Variants in ZNF99 observed in about 807,000 individuals in gnomAD.
ZNF99 encodes zinc finger protein ENSP00000375192.
In ZNF99, 8 loss-of-function variants were observed where a neutral mutation model predicts 12.8. The ratio of observed to expected loss-of-function variants is 0.62; its 90% CI spans 0.37 to 1.13. ZNF99 has a LOEUF of 1.13. Ranked by LOEUF, ZNF99 falls within the 50% of genes most tolerant of loss-of-function variation. The pLI, the probability that ZNF99 is intolerant of heterozygous loss-of-function variation, is 0.02. For synonymous variants in ZNF99, 318 were observed against 319.0 expected, an observed-to-expected ratio of 1.00 and a Z score of 0.03; for missense variants, 1,007 against 1,006.2, an observed-to-expected ratio of 1.00 and a Z score of -0.01.
At position 22,753,951 on chromosome 19, in the gene ZNF99, C is replaced by T; in HGVS notation, c.*3363G>A. The T allele has an allele frequency of 2.2e-6, 1 of 445,696 alleles. No homozygotes were observed. The highest frequency in any genetic ancestry group is 1.6e-5 in the South Asian group (1 of 63,058). 27.6% of individuals were successfully genotyped at this position (445,696 alleles called of 1,614,324 possible). A position where few individuals can be genotyped will look rare whatever the true frequency, so the allele number is the denominator to read the frequency against. ...ATGACTCACATCTAGGGCTTCTTGA[C>T]ACTATGATTTCTTTTATGTTTAGAA... On this transcript the variant is annotated 3_prime_UTR_variant, in exon 4 of 4. Coordinates refer to ENST00000596209, the MANE Select transcript of ZNF99 (RefSeq NM_001080409.3).
rs1221353983 is a variant in ZNF99, at chr19:22,757,560, A to G, written c.2349T>C (p.His783=). Residue 783 remains histidine, a synonymous_variant, in exon 4 of 4, where the codon CAT becomes CAC. Transcript: ENST00000596209. ...FSALRKHKII[H]TGKKPYKCEE... The stretch of plus-strand genomic sequence containing the variant: ...CACATTTATAGGGTTTCTTTCCAGT[A>G]TGAATTATCTTATGTTTTCTAAGGG... The G allele has an allele frequency of 6.2e-7, 1 of 1,611,306 alleles. No individual in the cohort carries two copies. Among genetic ancestry groups the G allele is most frequent in the Non-Finnish European group, 8.5e-7 (1 of 1,179,614 alleles).
At position 22,756,744 on chromosome 19, in the gene ZNF99, A is replaced by G. The variant is rs1973065537; in HGVS notation, c.*570T>C. On this transcript the variant is annotated 3_prime_UTR_variant, in exon 4 of 4. Transcript: ENST00000596209. ...CAGTATGAATTATCTTATGTTTCAT[A>G]AGGGTTGAGGAATTGTTAAAAGCTT... The G allele has an allele frequency of 6.3e-7, 1 of 1,589,248 alleles. No homozygotes were observed. Among genetic ancestry groups the G allele is most frequent in the South Asian group, 1.1e-5 (1 of 90,686 alleles).
At chr19:22,780,778 T>C (rs1266922955) in intron 1 of ZNF99, among the ~76,000 whole-genome samples, 2 of 151,786 alleles carry the variant, frequency 1.3e-5, no homozygotes, top group Non-Finnish European at 1.5e-5. Flanking sequence ...GAAACTCAGA[T>C]AGCAAAGTAA....
intron 1 of ZNF99, chr19:22,773,808 T>A (rs544365849): frequency 2.6e-5 from 4 of 152,332 alleles, no homozygotes; most frequent in African/African-American, 9.6e-5. Flanking sequence ...AAAGCTCACA[T>A]CTTACATAAA....
At chr19:22,769,473 C>G in intron 1 of ZNF99, 149 bp from the exon 2 acceptor site, 1 of 912,828 alleles carries the variant, frequency 1.1e-6, no homozygotes, top group Non-Finnish European at 1.6e-6. Flanking sequence ...ATTTTCAACA[C>G]AGAAATCGTC....
In ZNF99 at chr19:22,759,331, C is replaced by A. The variant is rs778335088; in HGVS notation, c.578G>T (p.Arg193Ile). 2 of 1,549,054 alleles carry A rather than the reference C, an allele frequency of 1.3e-6. No homozygotes were observed. Among genetic ancestry groups the A allele is most frequent in the Non-Finnish European group, 1.7e-6 (2 of 1,148,000 alleles). ...GTAGATATTCTCTCTAGTATGAATT[C>A]TCTTATGTTGAATTAAGTGTGAAAG... Reference protein sequence around the residue: ...FMLSHLIQHKRIHTRENIYKC... With the variant: ...FMLSHLIQHKIIHTRENIYKC... Residue 193 changes from arginine (R) to isoleucine (I), a missense_variant, in exon 4 of 4, where the codon AGA becomes ATA. By Grantham distance (97) the Arg-to-Ile change is moderately conservative. Coordinates refer to ENST00000596209, the MANE Select transcript of ZNF99 (RefSeq NM_001080409.3).
Position 22,754,365 on chromosome 19 carries a change from T to TA in ZNF99, c.*2948_*2949insT, listed in dbSNP as rs748213951. 2,187 of 370,992 alleles carry TA rather than the reference T, an allele frequency of 5.9e-3. 12 individuals carry two copies. The highest frequency in any genetic ancestry group is 0.03 in the African/African-American group (1,289 of 42,356). 23.0% of individuals were successfully genotyped at this position (370,992 alleles called of 1,614,324 possible). A position where few individuals can be genotyped will look rare whatever the true frequency, so the allele number is the denominator to read the frequency against. ...TTGGGCGACAGAGTGAGACTCCATT[T>TA]CAAAAAAAAAAAAAAAACTTTGCCA... On this transcript the variant is annotated 3_prime_UTR_variant, in exon 4 of 4. Transcript: ENST00000596209.
chr19:22,766,743 C>T (rs1973208647), intron 3 of ZNF99, among the ~76,000 whole-genome samples: 2 of 151,534 alleles, frequency 1.3e-5, no homozygotes, highest in African/African-American at 4.9e-5. Flanking sequence ...CCTCCGCCTC[C>T]CGGGTTCAAG....
intron 1 of ZNF99, among the ~76,000 whole-genome samples, chr19:22,776,480 GA>G (rs1402907959): frequency 1.3e-5 from 1 of 74,336 alleles, no homozygotes; most frequent in Non-Finnish European, 2.8e-5. Context: ...ACAAGCCTAT[GA>G]AAAAAATACT....
rs963311421 is a variant in ZNF99 at position 22,752,802 on chromosome 19, C to A, written c.*4512G>T. On this transcript the variant is annotated 3_prime_UTR_variant, in exon 4 of 4. Transcript: ENST00000596209. ...ACATAAAAGCACAACTAATATAATA[C>A]ATCACTAATTTAATTTTAATTTTAA... 12 of 152,028 alleles carry A rather than the reference C, an allele frequency of 7.9e-5. No homozygotes were observed. Among genetic ancestry groups the A allele is most frequent in the African/African-American group, 2.7e-4 (11 of 41,388 alleles). The allele number at this position is 152,028 out of a possible 1,614,324, so 9.4% of individuals were successfully genotyped here. A position where few individuals can be genotyped will look rare whatever the true frequency, so the allele number is the denominator to read the frequency against.
Position 22,752,245 on chromosome 19 carries a change from G to A in ZNF99, c.*5069C>T, listed in dbSNP as rs1037183739. ...TTTTTATTATGACCACAAAAATGAC[G>A]CTATAATAAAGATAACAATTTAGTT... On this transcript the variant is annotated 3_prime_UTR_variant, in exon 4 of 4. Coordinates refer to ENST00000596209, the MANE Select transcript of ZNF99 (RefSeq NM_001080409.3). 1 of 151,684 alleles carries A rather than the reference G, an allele frequency of 6.6e-6. No homozygotes were observed. The highest frequency in any genetic ancestry group is 1.5e-5 in the Non-Finnish European group (1 of 67,962). The allele number at this position is 151,684 out of a possible 1,614,324, so 9.4% of individuals were successfully genotyped here.
intron 1 of ZNF99, among the ~76,000 whole-genome samples, chr19:22,779,727 T>TA (rs1973367076): frequency 6.6e-6 from 1 of 152,076 alleles, no homozygotes; most frequent in African/African-American, 2.4e-5. Flanking sequence ...TTCTCTGATC[T>TA]AAAATCTCTT....
intron 3 of ZNF99, among the ~76,000 whole-genome samples, chr19:22,766,813 G>A (rs1037668418): frequency 6.0e-5 from 9 of 151,216 alleles, no homozygotes; most frequent in South Asian, 2.1e-4. Flanking sequence ...CACCACGCCC[G>A]GCTAATTTTA....
intron 1 of ZNF99, among the ~76,000 whole-genome samples, chr19:22,779,191 C>T (rs1568388652): frequency 6.6e-6 from 1 of 152,076 alleles, no homozygotes; most frequent in Non-Finnish European, 1.5e-5. Flanking sequence ...TAGCCAGACA[C>T]AGACTCTGCA....
At position 22,757,343 on chromosome 19, in the gene ZNF99, T is replaced by G; in HGVS notation, c.2566A>C (p.Ile856Leu). ...NVKNVAKLLN[I>L]SQPLENMR ...CTCATGTTTTCTAAGGGCTGAGAAA[T>G]GTTTAAAAGCTTTGCCACATTCTTC... Residue 856 changes from isoleucine to leucine, a missense_variant, in exon 4 of 4, where the codon ATT becomes CTT. Coordinates refer to ENST00000596209, the MANE Select transcript of ZNF99 (RefSeq NM_001080409.3). 6.2e-7 allele frequency: 1 copy of G among 1,612,344 alleles called. No homozygotes were observed. Among genetic ancestry groups the G allele is most frequent in the Non-Finnish European group, 8.5e-7 (1 of 1,179,590 alleles).
At chr19:22,770,318 G>A (rs1052222491) in intron 1 of ZNF99, 2 of 156,980 alleles carry the variant, frequency 1.3e-5, no homozygotes, top group East Asian at 3.8e-4. Context: ...TAATAACGAG[G>A]AGAAAAATAG....
Position 22,758,728 on chromosome 19 carries a change from T to C in ZNF99, c.1181A>G (p.Gln394Arg), listed in dbSNP as rs375730518. Residue 394 changes from glutamine (Q) to arginine (R), a missense_variant, in exon 4 of 4, where the codon CAG becomes CGG. Gln to Arg is a conservative substitution (Grantham distance 43). Transcript: ENST00000596209. The part of the protein sequence containing the change: ...LRKHEIIHTG[Q>R]KPYKCEECGK... Reference sequence around the variant, plus strand: ...ACATTCTTCACATTTGTAGGGTTTCTGTCCAGTATGAATTATCTCATGTTT... The same window carrying C: ...ACATTCTTCACATTTGTAGGGTTTCCGTCCAGTATGAATTATCTCATGTTT... 6.2e-7 allele frequency: 1 copy of C among 1,613,708 alleles called. No homozygotes were observed. Among genetic ancestry groups the C allele is most frequent in the South Asian group, 1.1e-5 (1 of 91,066 alleles).
chr19:22,768,230 C>G, intron 3 of ZNF99, 75 bp downstream of exon 3: 2 of 1,506,980 alleles, frequency 1.3e-6, no homozygotes, highest in Admixed American at 3.6e-5. Context: ...TCTCAGGTCA[C>G]ATTTTGAGAA....
Position 22,758,638 on chromosome 19 carries a change from G to C in ZNF99, c.1271C>G (p.Pro424Arg), listed in dbSNP as rs370198882. 77 of 1,612,324 alleles carry C rather than the reference G, an allele frequency of 4.8e-5. No individual in the cohort carries two copies. Among genetic ancestry groups the C allele is most frequent in the Non-Finnish European group, 6.4e-5 (76 of 1,179,370 alleles). ...TTTGCCACATTCTTCACATTTGCAG[G>C]GTTTCTCTGCAGTATGAATTACCTT... ...VHKVIHTAEK[P>R]CKCEECGKAF... The change falls in exon 4 of 4, where the codon CCC becomes CGC. Residue 424 changes from proline to arginine, a missense_variant. Transcript: ENST00000596209.
Sources: allele counts gnomAD v4.1 joint callset (sites outside exome capture counted in the v4.1 genomes callset), GRCh38; gene constraint gnomAD v4.1.1; transcripts MANE v1.5; gene names NCBI Gene and HGNC (gene_info 2026-07-23, HGNC 2026-07-21).